The following CDK17 variants were observed in gnomAD, a reference collection of about 807,000 sequenced individuals.
CDK17 encodes the protein cyclin-dependent kinase 17.
Under a neutral mutation model 77.6 loss-of-function variants are expected in CDK17, and 24 were observed. The observed-to-expected ratio is 0.31, with a 90% CI of 0.22 to 0.44. CDK17 has a LOEUF of 0.44. Ranked by LOEUF, CDK17 falls within the 20% of genes least tolerant of loss-of-function variation. CDK17 has a pLI of 1.00. For missense variants in CDK17, 429 were observed against 622.5 expected, an observed-to-expected ratio of 0.69 and a Z score of 3.31; for synonymous variants, 203 against 210.4, an observed-to-expected ratio of 0.96 and a Z score of 0.30.
At chr12:96,333,704 G>A (rs1592734534) in intron 2 of CDK17, among the ~76,000 whole-genome samples, 1 of 151,576 alleles carries the variant, frequency 6.6e-6, no homozygotes, top group Non-Finnish European at 1.5e-5. Context: ...TGTTATCAAG[G>A]AAAACCTTAA....
intron 10 of CDK17, among the ~76,000 whole-genome samples, chr12:96,291,122 C>CAA (rs34053593): frequency 0.049 from 6,483 of 131,604 alleles, 180 homozygotes; most frequent in Non-Finnish European, 0.064. Context: ...ACTATGCAAC[C>CAA]AAAAAAAAAA....
intron 1 of CDK17, among the ~76,000 whole-genome samples, chr12:96,359,135 GCTA>G (rs1337128639): frequency 3.9e-5 from 6 of 151,960 alleles, no homozygotes; most frequent in African/African-American, 1.5e-4. Flanking sequence ...TCTAATACCT[GCTA>G]CTATTTGGCC....
At chr12:96,397,530 T>G (rs1849003855) in intron 1 of CDK17, among the ~76,000 whole-genome samples, 1 of 152,194 alleles carries the variant, frequency 6.6e-6, no homozygotes, top group South Asian at 2.1e-4. Flanking sequence ...TATAGAAGCT[T>G]CTTTTAGTAC....
chr12:96,399,584 C>T (rs1478291440), intron 1 of CDK17, among the ~76,000 whole-genome samples: 1 of 152,098 alleles, frequency 6.6e-6, no homozygotes, highest in African/African-American at 2.4e-5. Context: ...CCAGCTCCAC[C>T]CCCGCCGAGG....
At chr12:96,389,956 A>G (rs913829146) in intron 1 of CDK17, among the ~76,000 whole-genome samples, 8 of 150,592 alleles carry the variant, frequency 5.3e-5, no homozygotes, top group African/African-American at 2.0e-4. Flanking sequence ...CAGCCTCCTG[A>G]GTAGCTGGAA....
At chr12:96,322,881 C>T (rs1409347671) in intron 3 of CDK17, among the ~76,000 whole-genome samples, 6 of 152,142 alleles carry the variant, frequency 3.9e-5, no homozygotes, top group African/African-American at 1.4e-4. Context: ...CTCTTATGAA[C>T]TAGTGTGAGC....
chr12:96,292,727 G>A (rs187906720), intron 10 of CDK17, among the ~76,000 whole-genome samples: 29 of 152,058 alleles, frequency 1.9e-4, no homozygotes, highest in African/African-American at 5.8e-4. Flanking sequence ...CTCAGAATGC[G>A]GAATACAAAA....
intron 13 of CDK17, among the ~76,000 whole-genome samples, chr12:96,284,622 G>A (rs1952224245): frequency 6.6e-6 from 1 of 150,770 alleles, no homozygotes; most frequent in African/African-American, 2.4e-5. Context: ...GAGTGCAAAG[G>A]TGCGATCCCG....
At chr12:96,295,824 G>C (rs971566172) in intron 9 of CDK17, among the ~76,000 whole-genome samples, 7 of 152,210 alleles carry the variant, frequency 4.6e-5, no homozygotes, top group Non-Finnish European at 1.0e-4. Flanking sequence ...TAAGGCTAAT[G>C]GTAGAGTTTT....
chr12:96,335,249 T>C (rs1321626785), intron 1 of CDK17: 4 of 314,768 alleles, frequency 1.3e-5, no homozygotes, highest in Non-Finnish European at 1.2e-5. Context: ...GCCAGTGATA[T>C]CTTCAGATAT....
intron 1 of CDK17, among the ~76,000 whole-genome samples, chr12:96,397,089 A>G (rs1954182624): frequency 1.3e-5 from 2 of 152,174 alleles, no homozygotes; most frequent in Admixed American, 6.5e-5. Context: ...GAAAGGAAAG[A>G]AGGAAAATAT....
At chr12:96,332,826 C>G (rs1239877710) in intron 2 of CDK17, among the ~76,000 whole-genome samples, 1 of 152,106 alleles carries the variant, frequency 6.6e-6, no homozygotes, top group Non-Finnish European at 1.5e-5. Context: ...ACATATACAA[C>G]TTGAGAAAAC....
At chr12:96,361,212 T>G (rs944328466) in intron 1 of CDK17, among the ~76,000 whole-genome samples, 10 of 152,204 alleles carry the variant, frequency 6.6e-5, no homozygotes, top group Non-Finnish European at 1.2e-4. Context: ...GGGGATGTGA[T>G]GAAGATGGTT....
At chr12:96,341,065 T>C (rs1156266334) in intron 1 of CDK17, among the ~76,000 whole-genome samples, 1 of 152,156 alleles carries the variant, frequency 6.6e-6, no homozygotes, top group Non-Finnish European at 1.5e-5. Flanking sequence ...ATTGCTTAGC[T>C]CCCACTTATG....
rs1381875322 is a variant in CDK17, at chr12:96,400,099, G to C, written c.-143C>G. ...CAAGTCCGGGTCTCAGCGGCCGGCA[G>C]ACGTGAGGCGCTTCCGAGCGCAGGC... On this transcript the variant is annotated 5_prime_UTR_variant, in exon 1 of 17. Coordinates refer to ENST00000261211, the MANE Select transcript of CDK17 (RefSeq NM_002595.5). 1.3e-5 allele frequency: 5 copies of C among 391,938 alleles called. No individual in the cohort carries two copies. In the Admixed American group the frequency reaches 2.2e-4, roughly 17 times the overall value. 24.3% of individuals were successfully genotyped at this position (391,938 alleles called of 1,614,324 possible). A position where few individuals can be genotyped will look rare whatever the true frequency, so the allele number is the denominator to read the frequency against.
At chr12:96,310,965 T>G in intron 5 of CDK17, 87 bp downstream of exon 5, 1 of 1,368,628 alleles carries the variant, frequency 7.3e-7, no homozygotes, top group Non-Finnish European at 9.9e-7. Context: ...AAGTCAAGTA[T>G]AAAAATTAAT....
At chr12:96,330,271 C>CT (rs1952948590) in intron 2 of CDK17, among the ~76,000 whole-genome samples, 2 of 151,272 alleles carry the variant, frequency 1.3e-5, no homozygotes, top group African/African-American at 4.9e-5. Flanking sequence ...ACTTATCAAA[C>CT]ATCTGTTCTG....
intron 1 of CDK17, among the ~76,000 whole-genome samples, chr12:96,364,368 C>T (rs1953549507): frequency 6.6e-6 from 1 of 152,130 alleles, no homozygotes; most frequent in South Asian, 2.1e-4. Context: ...TTTGTATTCC[C>T]ACCAGCAATG....
chr12:96,304,673 G>A (rs1158371355), intron 5 of CDK17, among the ~76,000 whole-genome samples: 1 of 152,198 alleles, frequency 6.6e-6, no homozygotes, highest in Non-Finnish European at 1.5e-5. Context: ...CAGGGGGAAA[G>A]ACTGAGAATC....
Sources: allele counts gnomAD v4.1 joint callset (sites outside exome capture counted in the v4.1 genomes callset), GRCh38; gene constraint gnomAD v4.1.1; transcripts MANE v1.5; gene names NCBI Gene and HGNC (gene_info 2026-07-23, HGNC 2026-07-21).